SLC35F3: variants seen among roughly 807,000 people sequenced by gnomAD.
The protein encoded by SLC35F3 is putative thiamine transporter SLC35F3.
Under a neutral mutation model 49.9 loss-of-function variants are expected in SLC35F3, and 25 were observed. The ratio of observed to expected loss-of-function variants is 0.50; its 90% CI spans 0.37 to 0.70. SLC35F3 has a LOEUF of 0.70. Among genes scored for constraint, SLC35F3 ranks in the 30% least tolerant of loss-of-function variants. The probability of loss-of-function intolerance (pLI) is 0.00; values close to 1 mark genes in which losing one functional copy is unlikely to be tolerated. For missense variants in SLC35F3, 525 were observed against 639.8 expected (o/e 0.82, Z 1.94); for synonymous variants, 275 against 265.4 (o/e 1.04, Z -0.35).
chr1:234,228,179 A>C (rs1667316945), intron 2 of SLC35F3, among the ~76,000 whole-genome samples: 2 of 152,218 alleles, frequency 1.3e-5, no homozygotes, highest in Admixed American at 1.3e-4. Flanking sequence ...ACGAGATGGC[A>C]GTGCATTTCA....
chr1:234,128,288 A>G (rs941289604), intron 2 of SLC35F3, among the ~76,000 whole-genome samples: 1 of 152,208 alleles, frequency 6.6e-6, no homozygotes, highest in Non-Finnish European at 1.5e-5. Context: ...CAGCAGGGCC[A>G]TGTTTTACCC....
intron 2 of SLC35F3, among the ~76,000 whole-genome samples, chr1:234,222,311 G>T (rs999097600): frequency 1.3e-5 from 2 of 152,186 alleles, no homozygotes; most frequent in African/African-American, 4.8e-5. Context: ...CTATCCTTGG[G>T]TAGGAGATTA....
intron 2 of SLC35F3, among the ~76,000 whole-genome samples, chr1:233,925,145 AGG>A (rs1471458754): frequency 6.6e-6 from 1 of 152,146 alleles, no homozygotes; most frequent in Non-Finnish European, 1.5e-5. Context: ...GATGTCTATT[AGG>A]TCCTCTTGGT....
At chr1:234,165,599 T>C (rs1356844676) in intron 2 of SLC35F3, among the ~76,000 whole-genome samples, 3 of 152,194 alleles carry the variant, frequency 2.0e-5, no homozygotes, top group Non-Finnish European at 4.4e-5. Context: ...TTGCCCCAGC[T>C]GATCTCAAAT....
chr1:234,002,396 G>A (rs1663567305), intron 2 of SLC35F3, among the ~76,000 whole-genome samples: 1 of 152,146 alleles, frequency 6.6e-6, no homozygotes. Context: ...CCTCTGAGCT[G>A]TGACAGTGTC....
intron 3 of SLC35F3, among the ~76,000 whole-genome samples, chr1:234,278,750 G>C (rs1668255831): frequency 6.6e-6 from 1 of 152,006 alleles, no homozygotes; most frequent in African/African-American, 2.4e-5. Flanking sequence ...GCAGAGAGCT[G>C]TCTTCTTGTT....
intron 7 of SLC35F3, among the ~76,000 whole-genome samples, chr1:234,322,248 A>C (rs10910415): frequency 0.19 from 29,335 of 151,702 alleles, 3,204 homozygotes; most frequent in African/African-American, 0.28. Context: ...ATGGGGGCAC[A>C]AACCCCTGAA....
intron 3 of SLC35F3, among the ~76,000 whole-genome samples, chr1:234,233,539 A>C (rs1473341803): frequency 6.6e-6 from 1 of 152,226 alleles, no homozygotes; most frequent in African/African-American, 2.4e-5. Flanking sequence ...TGGCACCATT[A>C]AACTATTGTG....
At chr1:234,238,890 ATC>A (rs1217939536) in intron 3 of SLC35F3, among the ~76,000 whole-genome samples, 3 of 152,248 alleles carry the variant, frequency 2.0e-5, no homozygotes, top group Non-Finnish European at 4.4e-5. Flanking sequence ...TAAGAAGGTT[ATC>A]TGTCTTATAA....
chr1:234,138,438 A>T (rs1315990171), intron 2 of SLC35F3, among the ~76,000 whole-genome samples: 2 of 152,196 alleles, frequency 1.3e-5, no homozygotes, highest in Non-Finnish European at 2.9e-5. Context: ...CACACTCAAG[A>T]CCAGCTTTTC....
Position 234,231,501 on chromosome 1 carries a change from G to A in SLC35F3, c.368G>A (p.Arg123His), listed in dbSNP as rs1179264708. 2.5e-6 allele frequency: 4 copies of A among 1,613,116 alleles called. No homozygotes were observed. In the African/African-American group the frequency reaches 4.0e-5, roughly 16 times the overall value. Residue 123 changes from arginine to histidine, a missense_variant, in exon 3 of 8, where the codon CGC becomes CAC. Physicochemically the swap from Arg to His is conservative, Grantham distance 29. Coordinates refer to ENST00000366618, the MANE Select transcript of SLC35F3 (RefSeq NM_173508.4). The surrounding 1 kb of genome is among the most constrained non-coding windows in gnomAD (Gnocchi z 5.4). ...GAGGCCGGCGGGAGAGCGAGTCGCC[G>A]CTGCTGGACGTGCTCCCGGGCGCAA... ...GVEAGGRASR[R>H]CWTCSRAQLK...
intron 2 of SLC35F3, among the ~76,000 whole-genome samples, chr1:233,926,093 A>G (rs1662154783): frequency 6.6e-6 from 1 of 152,072 alleles, no homozygotes; most frequent in African/African-American, 2.4e-5. Flanking sequence ...ACCTTGGTGA[A>G]TCTGACAGTT....
intron 2 of SLC35F3, among the ~76,000 whole-genome samples, chr1:233,942,640 C>G (rs1200350070): frequency 6.6e-6 from 1 of 152,080 alleles, no homozygotes; most frequent in Non-Finnish European, 1.5e-5. Context: ...TCTCAAACTC[C>G]CAGGCTCAAG....
intron 2 of SLC35F3, among the ~76,000 whole-genome samples, chr1:234,053,483 C>T (rs1369960895): frequency 1.3e-5 from 2 of 151,978 alleles, no homozygotes; most frequent in African/African-American, 4.8e-5. Flanking sequence ...TGTTTGTTTT[C>T]TATTTCCTTG....
At chr1:234,173,820 C>T (rs192895498) in intron 2 of SLC35F3, among the ~76,000 whole-genome samples, 1 of 152,330 alleles carries the variant, frequency 6.6e-6, no homozygotes, top group East Asian at 1.9e-4. Context: ...GAAGCATTGC[C>T]TTAAATTAAG....
intron 3 of SLC35F3, among the ~76,000 whole-genome samples, chr1:234,300,509 G>A (rs1257981354): frequency 6.6e-6 from 1 of 152,202 alleles, no homozygotes; most frequent in East Asian, 1.9e-4. Context: ...AGGCTATGAG[G>A]ACATAATATG....
chr1:233,987,962 A>G (rs936244230), intron 2 of SLC35F3, among the ~76,000 whole-genome samples: 1 of 152,172 alleles, frequency 6.6e-6, no homozygotes, highest in African/African-American at 2.4e-5. Flanking sequence ...GAAGGTTAAT[A>G]ATTATAGCAA....
chr1:234,323,285 A>G lies in SLC35F3; in HGVS notation c.*42A>G, dbSNP rs1406112591. Reference sequence around the variant, plus strand: ...CTCGGTGGTAATGACTGGGAGGTCTATTCCTGCCGGGAGGAACCTCAGTTG... The same window carrying G: ...CTCGGTGGTAATGACTGGGAGGTCTGTTCCTGCCGGGAGGAACCTCAGTTG... On this transcript the variant is annotated 3_prime_UTR_variant, in exon 8 of 8. Coordinates refer to ENST00000366618, the MANE Select transcript of SLC35F3 (RefSeq NM_173508.4). The surrounding 1 kb of genome is among the most constrained non-coding windows in gnomAD (Gnocchi z 4.5). 7 of 1,567,650 alleles carry G rather than the reference A, an allele frequency of 4.5e-6. No homozygotes were observed. Among genetic ancestry groups the G allele is most frequent in the Middle Eastern group, 1.7e-4 (1 of 5,988 alleles).
At chr1:233,923,594 C>A (rs961874787) in intron 2 of SLC35F3, among the ~76,000 whole-genome samples, 11 of 152,160 alleles carry the variant, frequency 7.2e-5, no homozygotes, top group Non-Finnish European at 1.6e-4. Context: ...CATCTGCAAA[C>A]AGGGACAATT....
Sources: allele counts gnomAD v4.1 joint callset (sites outside exome capture counted in the v4.1 genomes callset), GRCh38; gene constraint gnomAD v4.1.1; non-coding constraint Gnocchi (gnomAD v3.1); transcripts MANE v1.5; gene names NCBI Gene and HGNC (gene_info 2026-07-23, HGNC 2026-07-21).